AKAP6: variants seen among roughly 807,000 people sequenced by gnomAD.
AKAP6 encodes the protein A-kinase anchoring protein 6.
Under a neutral mutation model 188.5 loss-of-function variants are expected in AKAP6, and 58 were observed. The observed-to-expected ratio is 0.31, with a 90% CI of 0.25 to 0.38. AKAP6 has a LOEUF of 0.38. AKAP6 is among the 10% of genes least tolerant of loss of function. AKAP6 has a pLI of 1.00. For missense variants in AKAP6, 2,710 were observed against 2,740.0 expected (o/e 0.99, Z 0.24); for synonymous variants, 989 against 998.6 (o/e 0.99, Z 0.18).
chr14:32,764,292 T>A (rs1189703266), intron 11 of AKAP6, among the ~76,000 whole-genome samples: 1 of 152,238 alleles, frequency 6.6e-6, no homozygotes, highest in Non-Finnish European at 1.5e-5. Context: ...GAATCAGTAT[T>A]TTTCCCATCC....
At chr14:32,427,872 A>G (rs1457587736) in intron 1 of AKAP6, among the ~76,000 whole-genome samples, 1 of 152,234 alleles carries the variant, frequency 6.6e-6, no homozygotes, top group Non-Finnish European at 1.5e-5. Flanking sequence ...CTGTTCTGTA[A>G]TAAGTGCTAT....
intron 7 of AKAP6, among the ~76,000 whole-genome samples, chr14:32,635,318 A>T (rs563207716): frequency 4.6e-5 from 7 of 152,094 alleles, no homozygotes; most frequent in Non-Finnish European, 4.4e-5. Flanking sequence ...TAGTTAGAGT[A>T]AAAATCCTTG....
Position 32,789,528 on chromosome 14 carries a change from C to T in AKAP6, c.3588+15635C>T, listed in dbSNP as rs554398553. 1.4e-4 allele frequency among the ~76,000 whole-genome samples: 22 copies of T among 152,304 alleles called. No individual in the cohort carries two copies. In the South Asian group the frequency reaches 4.1e-3, roughly 29 times the overall value. The stretch of plus-strand genomic sequence containing the variant: ...CGGAGCTTCCAGAGGAAGGAGCTGG[C>T]TGCCATCTTTGCTGTTTCACAGCCT... On this transcript the variant is annotated intron_variant, in intron 12 of 13. Coordinates refer to ENST00000280979, the MANE Select transcript of AKAP6 (RefSeq NM_004274.5).
At chr14:32,741,363 C>G (rs2031665423) in intron 11 of AKAP6, among the ~76,000 whole-genome samples, 1 of 151,976 alleles carries the variant, frequency 6.6e-6, no homozygotes, top group African/African-American at 2.4e-5. Flanking sequence ...ATTTCTTTCT[C>G]TTGTCTGATC....
At position 32,735,893 on chromosome 14, in the gene AKAP6, A is replaced by G; in HGVS notation, c.3372+11A>G. 6.4e-7 allele frequency: 1 copy of G among 1,568,328 alleles called. No individual in the cohort carries two copies. Among genetic ancestry groups the G allele is most frequent in the South Asian group, 1.2e-5 (1 of 84,516 alleles). On this transcript the variant is annotated intron_variant, in intron 11 of 13. Transcript: ENST00000280979. ...CTGCAATACTTTAAGGTAATAAAAA[A>G]ACAATCAAAGTTGATAAAAAGCTCT...
intron 12 of AKAP6, among the ~76,000 whole-genome samples, chr14:32,795,095 A>G (rs753896324): frequency 1.3e-5 from 2 of 152,200 alleles, no homozygotes; most frequent in African/African-American, 2.4e-5. Context: ...AAGAAATTGA[A>G]TCGCTGAATA....
chr14:32,382,339 C>T (rs942028), intron 1 of AKAP6, among the ~76,000 whole-genome samples: 129,851 of 152,084 alleles, frequency 0.85, 56,446 homozygotes, highest in Non-Finnish European at 0.93. Flanking sequence ...TGGGACATCA[C>T]AGGTTCAAGT....
chr14:32,401,762 A>T (rs139089056), intron 1 of AKAP6, among the ~76,000 whole-genome samples: 188 of 152,318 alleles, frequency 1.2e-3, no homozygotes, highest in Middle Eastern at 3.4e-3. Flanking sequence ...TCAAGTCAAC[A>T]TTGATTTTAT....
chr14:32,726,475 A>G (rs542437403), intron 9 of AKAP6, among the ~76,000 whole-genome samples: 1 of 152,382 alleles, frequency 6.6e-6, no homozygotes, highest in African/African-American at 2.4e-5. Flanking sequence ...ACTAAATTCT[A>G]AAAATGTCCA....
At chr14:32,736,432 T>G (rs2031428082) in intron 11 of AKAP6, among the ~76,000 whole-genome samples, 1 of 152,076 alleles carries the variant, frequency 6.6e-6, no homozygotes, top group African/African-American at 2.4e-5. Context: ...TCATTTTCAC[T>G]GTATGTCCAT....
intron 12 of AKAP6, among the ~76,000 whole-genome samples, chr14:32,810,017 A>G (rs896897783): frequency 1.3e-5 from 2 of 152,214 alleles, no homozygotes; most frequent in Non-Finnish European, 2.9e-5. Context: ...CAAAGCAGAG[A>G]TATTCACAAA....
intron 1 of AKAP6, among the ~76,000 whole-genome samples, chr14:32,336,991 G>A (rs1886725684): frequency 6.6e-6 from 1 of 152,132 alleles, no homozygotes; most frequent in Non-Finnish European, 1.5e-5. Flanking sequence ...AAATCCGCTT[G>A]CTTTTAGCTT....
In AKAP6 at chr14:32,690,047, C is replaced by T. The variant is rs544079026; in HGVS notation, c.2880-5943C>T. On this transcript the variant is annotated intron_variant, in intron 8 of 13. Coordinates refer to ENST00000280979, the MANE Select transcript of AKAP6 (RefSeq NM_004274.5). ...CTAGTGTGAATTAATATTAAGCATA[C>T]AAAAGATGTATTCTTAAGTGCCCCA... Among the ~76,000 whole-genome samples, 6 of 146,472 alleles carry T rather than the reference C, an allele frequency of 4.1e-5. No individual in the cohort carries two copies. The East Asian group carries it at 1.3e-3, about 31-fold the overall frequency.
intron 1 of AKAP6, among the ~76,000 whole-genome samples, chr14:32,391,860 C>G (rs1386984987): frequency 6.6e-6 from 1 of 152,106 alleles, no homozygotes; most frequent in Non-Finnish European, 1.5e-5. Context: ...ATTACCCAGT[C>G]TCAGATATTT....
At position 32,546,480 on chromosome 14, in the gene AKAP6, C is replaced by T. The variant is rs750889500; in HGVS notation, c.1827C>T (p.Ser609=). ...ACAAAAGCAAAAAAGGTCAAGCCTCCTCTCCAAGTCACGTCACTAGGAATG... is the reference window on the plus strand; with the variant it reads ...ACAAAAGCAAAAAAGGTCAAGCCTCTTCTCCAAGTCACGTCACTAGGAATG... The part of the protein sequence containing the change: ...SKHKSKKGQA[S]SPSHVTRNGE... The change falls in exon 4 of 14, where the codon TCC becomes TCT. Residue 609 remains serine, a synonymous_variant. Transcript: ENST00000280979. 1.5e-5 allele frequency: 25 copies of T among 1,614,074 alleles called. No homozygotes were observed. The highest frequency in any genetic ancestry group is 2.0e-5 in the Non-Finnish European group (24 of 1,180,050).
chr14:32,393,827 AT>A (rs1888789561), intron 1 of AKAP6, among the ~76,000 whole-genome samples: 2 of 152,136 alleles, frequency 1.3e-5, no homozygotes, highest in South Asian at 4.1e-4. Flanking sequence ...AGATACATAC[AT>A]TTGTAAACAC....
intron 7 of AKAP6, among the ~76,000 whole-genome samples, chr14:32,635,134 A>C (rs116590705): frequency 0.023 from 3,448 of 152,120 alleles, 134 homozygotes; most frequent in African/African-American, 0.079. Flanking sequence ...TTTGAGACCC[A>C]CTGCTGAGTA....
At chr14:32,708,912 C>T (rs1890925523) in intron 9 of AKAP6, among the ~76,000 whole-genome samples, 2 of 152,020 alleles carry the variant, frequency 1.3e-5, no homozygotes, top group South Asian at 4.1e-4. Context: ...TCCTCACTCT[C>T]ATCTGCCTGG....
chr14:32,799,308 T>A (rs904679750), intron 12 of AKAP6, among the ~76,000 whole-genome samples: 2 of 152,166 alleles, frequency 1.3e-5, no homozygotes, highest in Admixed American at 1.3e-4. Context: ...TCCATTTCAT[T>A]GACTTTTATG....
Sources: gnomAD v4.1 joint callset for allele counts (sites outside exome capture counted in the v4.1 genomes callset) on GRCh38, gnomAD v4.1.1 for gene constraint, MANE v1.5 for transcripts, NCBI Gene and HGNC (gene_info 2026-07-23, HGNC 2026-07-21) for gene names.